The following CSNK1G3 variants were observed in gnomAD, a reference collection of about 807,000 sequenced individuals.
CSNK1G3 encodes casein kinase I isoform gamma-3.
Under a neutral mutation model 64.3 loss-of-function variants are expected in CSNK1G3, and 23 were observed. That is an observed-to-expected ratio of 0.36 (90% CI 0.26 to 0.51). The LOEUF (loss-of-function observed/expected upper bound fraction) is 0.51, where lower values mean the gene tolerates loss of function less well. Ranked by LOEUF, CSNK1G3 falls within the 20% of genes least tolerant of loss-of-function variation. The pLI, the probability that CSNK1G3 is intolerant of heterozygous loss-of-function variation, is 0.96. For missense variants in CSNK1G3, 357 were observed against 510.5 expected (o/e 0.70, Z 2.90); for synonymous variants, 158 against 162.2 (o/e 0.97, Z 0.20).
rs963222003 is a variant in CSNK1G3 at position 123,590,472 on chromosome 5, G to C, written c.904G>C (p.Asp302His). ...AGATTTTTTTGAAAAACCAGACTAT[G>C]ACTACTTAAGAAAGCTTTTTACTGA... The change falls in exon 9 of 13, where the codon GAC becomes CAC. Residue 302 changes from aspartate to histidine, a missense_variant. By Grantham distance (81) the Asp-to-His change is moderately conservative. This residue lies in a region of CSNK1G3 where 187 missense variants were observed against 217.1 expected (regional missense o/e 0.86). Coordinates refer to ENST00000345990, the Ensembl canonical transcript of CSNK1G3. 6.5e-7 allele frequency: 1 copy of C among 1,532,934 alleles called. No individual in the cohort carries two copies. The highest frequency in any genetic ancestry group is 8.8e-7 in the Non-Finnish European group (1 of 1,142,838). 95.0% of individuals were successfully genotyped at this position (1,532,934 alleles called of 1,614,324 possible).
intron 1 of CSNK1G3, among the ~76,000 whole-genome samples, chr5:123,517,558 A>G (rs1777391850): frequency 6.6e-6 from 1 of 152,220 alleles, no homozygotes; most frequent in Admixed American, 6.5e-5. Context: ...CGATCTAAAA[A>G]AATCTGCAAT....
At chr5:123,587,909 T>C (rs1028283609) in intron 6 of CSNK1G3, among the ~76,000 whole-genome samples, 159 bp from the exon 7 acceptor site, 11 of 152,156 alleles carry the variant, frequency 7.2e-5, no homozygotes, top group African/African-American at 2.4e-5. Context: ...ATTATTTATA[T>C]AGATATAATT....
At chr5:123,538,511 A>T (rs917106651) in intron 1 of CSNK1G3, among the ~76,000 whole-genome samples, 1 of 152,094 alleles carries the variant, frequency 6.6e-6, no homozygotes, top group African/African-American at 2.4e-5. Flanking sequence ...TTCTATATTT[A>T]AAAAAATGCA....
At chr5:123,566,914 A>G (rs1280834682) in intron 4 of CSNK1G3, among the ~76,000 whole-genome samples, 1 of 151,776 alleles carries the variant, frequency 6.6e-6, no homozygotes, top group South Asian at 2.1e-4. Context: ...TTCTTATGTT[A>G]TCTTTTCTAT....
At chr5:123,524,816 G>A (rs1200297712) in intron 1 of CSNK1G3, among the ~76,000 whole-genome samples, 1 of 152,182 alleles carries the variant, frequency 6.6e-6, no homozygotes, top group African/African-American at 2.4e-5. Context: ...CTTGTGCAGA[G>A]GTAGTGTTCT....
chr5:123,545,612 C>T, exon 2 of CSNK1G3: 1 of 1,480,150 alleles, frequency 6.8e-7, no homozygotes, highest in Non-Finnish European at 9.3e-7. Context: ...TACCCTGTTT[C>T]AGTGTGCTTG....
chr5:123,545,303 T>C (rs2150262641), intron 1 of CSNK1G3, 114 bp from the exon 2 acceptor site: 1 of 164,776 alleles, frequency 6.1e-6, no homozygotes, highest in African/African-American at 2.4e-5. Flanking sequence ...TTGATTTCAA[T>C]GGGCATCAAT....
intron 12 of CSNK1G3, among the ~76,000 whole-genome samples, chr5:123,606,963 A>C (rs1795469957): frequency 6.6e-6 from 1 of 152,172 alleles, no homozygotes; most frequent in Non-Finnish European, 1.5e-5. Flanking sequence ...GAGCTTGTAA[A>C]GATAAAGATT....
intron 6 of CSNK1G3, among the ~76,000 whole-genome samples, chr5:123,585,459 C>A (rs372808433): frequency 2.2e-4 from 33 of 152,136 alleles, no homozygotes; most frequent in East Asian, 1.4e-3. Context: ...GAGGAAAAAA[C>A]CCCTGATAAA....
intron 4 of CSNK1G3, among the ~76,000 whole-genome samples, chr5:123,570,250 A>G (rs952808992): frequency 6.6e-6 from 1 of 152,076 alleles, no homozygotes; most frequent in Non-Finnish European, 1.5e-5. Flanking sequence ...ACATACTGCT[A>G]TCTATCTTAT....
intron 1 of CSNK1G3, among the ~76,000 whole-genome samples, chr5:123,540,767 G>A (rs772084727): frequency 5.9e-5 from 9 of 152,018 alleles, no homozygotes; most frequent in Admixed American, 3.9e-4. Flanking sequence ...CGAGCAGCTG[G>A]GACTACAGGC....
chr5:123,600,549 C>T (rs566080456), intron 10 of CSNK1G3, among the ~76,000 whole-genome samples: 49 of 150,806 alleles, frequency 3.2e-4, no homozygotes, highest in African/African-American at 2.7e-4. Context: ...CGCTTGAACC[C>T]GGGAGGTGGA....
chr5:123,600,624 C>CA (rs561994777), intron 10 of CSNK1G3, among the ~76,000 whole-genome samples: 2,151 of 84,134 alleles, frequency 0.026, 19 homozygotes, highest in African/African-American at 0.049. Context: ...GATGCCATTT[C>CA]AAAAAAAAAA....
At chr5:123,573,686 C>A in intron 5 of CSNK1G3, 145 bp downstream of exon 5, 1 of 624,764 alleles carries the variant, frequency 1.6e-6, no homozygotes, top group Non-Finnish European at 2.5e-6. Flanking sequence ...TGTTGTCTTT[C>A]TGGGATCCAT....
chr5:123,536,488 T>C (rs1160818061), intron 1 of CSNK1G3, among the ~76,000 whole-genome samples: 4 of 151,660 alleles, frequency 2.6e-5, no homozygotes, highest in Middle Eastern at 3.4e-3. Context: ...AGTTCTAGTT[T>C]TCCATACCAC....
intron 3 of CSNK1G3, among the ~76,000 whole-genome samples, chr5:123,555,129 T>C (rs10066772): frequency 0.6 from 91,811 of 152,036 alleles, 28,994 homozygotes; most frequent in African/African-American, 0.79. Context: ...CTCCTCTCTG[T>C]TTTGTCTTTC....
chr5:123,520,515 G>T (rs1777918183), intron 1 of CSNK1G3, among the ~76,000 whole-genome samples: 1 of 150,482 alleles, frequency 6.6e-6, no homozygotes. Flanking sequence ...ATCTTGGGGT[G>T]GGATGTGTTT....
chr5:123,588,487 G>A, exon 8 of CSNK1G3: 1 of 1,611,136 alleles, frequency 6.2e-7, no homozygotes, highest in Non-Finnish European at 8.5e-7. Flanking sequence ...TACACCAATA[G>A]AAGTGTTATG....
At chr5:123,557,470 CT>C (rs1784861412) in intron 3 of CSNK1G3, 24 bp from the exon 4 acceptor site, 21 of 1,580,352 alleles carry the variant, frequency 1.3e-5, no homozygotes, top group Non-Finnish European at 1.7e-5. Flanking sequence ...ACTTAAATGT[CT>C]TTTTTTGTTT....
Sources: gnomAD v4.1 joint callset for allele counts (sites outside exome capture counted in the v4.1 genomes callset) on GRCh38, gnomAD v4.1.1 for gene constraint, gnomAD v4.1.1 regional missense constraint, MANE v1.5 for transcripts, NCBI Gene and HGNC (gene_info 2026-07-23, HGNC 2026-07-21) for gene names.